The following DOCK1 variants were observed in gnomAD, a reference collection of about 807,000 sequenced individuals.
The protein encoded by DOCK1 is dedicator of cytokinesis 1, also known as dedicator of cytokinesis protein 1.
Under a neutral mutation model 262.7 loss-of-function variants are expected in DOCK1, and 138 were observed. The ratio of observed to expected loss-of-function variants is 0.53; its 90% CI spans 0.46 to 0.61. DOCK1 has a LOEUF of 0.61. Ranked by LOEUF, DOCK1 falls within the 20% of genes least tolerant of loss-of-function variation. DOCK1 has a pLI of 0.00. For synonymous variants in DOCK1, 866 were observed against 867.4 expected, an observed-to-expected ratio of 1.00 and a Z score of 0.03; for missense variants, 1,908 against 2,370.7, an observed-to-expected ratio of 0.80 and a Z score of 4.05.
chr10:127,444,386 G>C, intron 50 of DOCK1, 107 bp downstream of exon 50: 1 of 1,353,884 alleles, frequency 7.4e-7, no homozygotes. Flanking sequence ...GCAGCAGAGG[G>C]TGGGAGTTTA....
intron 1 of DOCK1, among the ~76,000 whole-genome samples, chr10:126,944,495 G>A (rs2035249777): frequency 6.6e-6 from 1 of 152,148 alleles, no homozygotes; most frequent in South Asian, 2.1e-4. Flanking sequence ...CTCCAGAGAT[G>A]ACCTGTGTGG....
At chr10:127,336,955 A>G (rs567174986) in intron 29 of DOCK1, among the ~76,000 whole-genome samples, 3 of 152,240 alleles carry the variant, frequency 2.0e-5, no homozygotes, top group South Asian at 2.1e-4. Flanking sequence ...GAGGCACAAT[A>G]ATTACCCTAT....
chr10:127,429,278 C>T (rs1157760984), intron 47 of DOCK1, among the ~76,000 whole-genome samples: 3 of 152,092 alleles, frequency 2.0e-5, no homozygotes, highest in Non-Finnish European at 4.4e-5. Context: ...GTTCCCCGGA[C>T]CCACCTTGCA....
At chr10:127,250,317 G>A (rs554658064) in intron 28 of DOCK1, among the ~76,000 whole-genome samples, 3 of 152,280 alleles carry the variant, frequency 2.0e-5, no homozygotes, top group Non-Finnish European at 4.4e-5. Context: ...CGATGATGCC[G>A]AATGGCATTT....
At chr10:126,940,882 G>A (rs932981857) in intron 1 of DOCK1, among the ~76,000 whole-genome samples, 1 of 152,202 alleles carries the variant, frequency 6.6e-6, no homozygotes, top group African/African-American at 2.4e-5. Flanking sequence ...GAAATCAAAA[G>A]CGTCTATTGA....
At chr10:127,036,035 T>TAAATAAAG (rs1554870839) in intron 18 of DOCK1, among the ~76,000 whole-genome samples, 13 of 149,488 alleles carry the variant, frequency 8.7e-5, no homozygotes, top group African/African-American at 3.3e-4. Flanking sequence ...AATAAATAAA[T>TAAATAAAG]AAATAAATAA....
chr10:126,954,228 C>T (rs2036554890), intron 1 of DOCK1, among the ~76,000 whole-genome samples: 1 of 152,204 alleles, frequency 6.6e-6, no homozygotes, highest in Non-Finnish European at 1.5e-5. Flanking sequence ...TCATCAGGCT[C>T]AGAGCAGCAC....
chr10:127,270,625 A>T (rs1472881387), intron 29 of DOCK1, among the ~76,000 whole-genome samples: 1 of 150,138 alleles, frequency 6.7e-6, no homozygotes, highest in African/African-American at 2.5e-5. Flanking sequence ...AGCCATTCTC[A>T]TGGATGTGCA....
At chr10:127,350,452 C>A (rs1317653068) in intron 31 of DOCK1, among the ~76,000 whole-genome samples, 1 of 152,154 alleles carries the variant, frequency 6.6e-6, no homozygotes, top group South Asian at 2.1e-4. Flanking sequence ...CCCTCTTCGT[C>A]CAGATTTCGT....
intron 35 of DOCK1, among the ~76,000 whole-genome samples, chr10:127,375,025 G>A (rs1338819387): frequency 1.3e-5 from 2 of 152,256 alleles, no homozygotes; most frequent in Non-Finnish European, 2.9e-5. Flanking sequence ...CAGACGCCTG[G>A]GCGACCTTGG....
At chr10:127,238,796 C>T (rs2059162464) in intron 27 of DOCK1, among the ~76,000 whole-genome samples, 1 of 152,202 alleles carries the variant, frequency 6.6e-6, no homozygotes, top group African/African-American at 2.4e-5. Flanking sequence ...TTATCTCCTG[C>T]TGACCTACTC....
rs1344056992 is a variant in DOCK1 at position 127,012,124 on chromosome 10, C to T, written c.1059-108C>T. ...TGTCGTGCGTTGACTCATGATGCCT[C>T]CCTCTCGCACTCGGTGACGATGATC... On this transcript the variant is annotated intron_variant, in intron 11 of 51. Transcript: ENST00000623213. The surrounding 1 kb of genome is among the most constrained non-coding windows in gnomAD (Gnocchi z 4.0). 2 of 652,516 alleles carry T rather than the reference C, an allele frequency of 3.1e-6. No individual in the cohort carries two copies. The highest frequency in any genetic ancestry group is 1.8e-5 in the African/African-American group (1 of 55,190). The allele number at this position is 652,516 out of a possible 1,614,324, so 40.4% of individuals were successfully genotyped here.
intron 30 of DOCK1, 127 bp from the exon 31 acceptor site, chr10:127,343,519 G>A (rs2135758567): frequency 2.6e-6 from 2 of 765,000 alleles, no homozygotes; most frequent in East Asian, 5.4e-5. Context: ...TGTATAGAGT[G>A]AGTGTGGGTT....
chr10:127,190,665 T>TTCCCC (rs1564887696), intron 27 of DOCK1, among the ~76,000 whole-genome samples: 1 of 41,792 alleles, frequency 2.4e-5, no homozygotes, highest in African/African-American at 1.4e-4. Flanking sequence ...AATCCTATCT[T>TTCCCC]CCCCCCCCCC....
chr10:127,396,754 C>CAAAACAA (rs756829996), intron 38 of DOCK1, among the ~76,000 whole-genome samples: 21 of 134,162 alleles, frequency 1.6e-4, no homozygotes, highest in African/African-American at 5.9e-4. Context: ...ATCTCTGTTA[C>CAAAACAA]AAAAAAAAAA....
intron 29 of DOCK1, among the ~76,000 whole-genome samples, chr10:127,313,803 A>G (rs184144124): frequency 1.1e-3 from 160 of 152,020 alleles, no homozygotes; most frequent in Non-Finnish European, 1.7e-3. Flanking sequence ...GGGCTGAGGG[A>G]TTTCATCTAG....
chr10:126,955,064 C>T (rs975898623), intron 1 of DOCK1, among the ~76,000 whole-genome samples: 4 of 152,208 alleles, frequency 2.6e-5, no homozygotes, highest in African/African-American at 4.8e-5. Context: ...TCCTTACCAA[C>T]ATTTGTTATT....
At chr10:127,198,913 G>A (rs919928185) in intron 27 of DOCK1, among the ~76,000 whole-genome samples, 3 of 152,096 alleles carry the variant, frequency 2.0e-5, no homozygotes, top group Non-Finnish European at 4.4e-5. Context: ...AGGCTTTAAA[G>A]CAAGCATCAT....
chr10:127,390,851 C>T (rs1454087490), intron 38 of DOCK1, among the ~76,000 whole-genome samples: 3 of 152,214 alleles, frequency 2.0e-5, no homozygotes, highest in East Asian at 3.9e-4. Flanking sequence ...ATTAATTTTA[C>T]TCTTTAAAAG....
Sources: gnomAD v4.1 joint callset for allele counts (sites outside exome capture counted in the v4.1 genomes callset) on GRCh38, gnomAD v4.1.1 for gene constraint, Gnocchi (gnomAD v3.1) non-coding constraint, MANE v1.5 for transcripts, NCBI Gene and HGNC (gene_info 2026-07-23, HGNC 2026-07-21) for gene names.